The following MAX variants were observed in gnomAD, a reference collection of about 807,000 sequenced individuals.
MAX encodes the protein MYC associated transcriptional regulator X, also known as protein max.
Under a neutral mutation model 22.3 loss-of-function variants are expected in MAX, and 3 were observed. The observed-to-expected ratio is 0.13, with a 90% CI of 0.06 to 0.35. The LOEUF is 0.35. MAX is among the 10% of genes least tolerant of loss of function. The pLI is 1.00. For missense variants in MAX, 119 were observed against 209.4 expected, an observed-to-expected ratio of 0.57 and a Z score of 2.66; for synonymous variants, 72 against 77.7, an observed-to-expected ratio of 0.93 and a Z score of 0.39.
rs1024388620 is a variant in MAX at position 65,011,391 on chromosome 14, T to C, written c.172-5107A>G. Among the ~76,000 whole-genome samples, 3 of 139,100 alleles carry C rather than the reference T, an allele frequency of 2.2e-5. No individual in the cohort carries two copies. In the Admixed American group the frequency reaches 2.3e-4, roughly 11 times the overall value. 91.3% of individuals were successfully genotyped at this position (139,100 alleles called of 152,430 possible). A position where few individuals can be genotyped will look rare whatever the true frequency, so the allele number is the denominator to read the frequency against. On this transcript the variant is annotated intron_variant, in intron 3 of 3. Coordinates refer to the MAX transcript ENST00000341653. The surrounding 1 kb of genome is among the most constrained non-coding windows in gnomAD (Gnocchi z 4.0). ...TTGCAGTAAGCTGAAATCACACCAC[T>C]GCACTCCAGCCTGGGTGACAGAGCG... is the stretch of plus-strand genomic sequence containing the variant.
In MAX at chr14:65,065,433, G is replaced by A. The variant is rs558838403; in HGVS notation, c.171+28275C>T. ...CTGAGAAAAGCAGTCAGGTGATCTCGTCGTTGTGTGAACATCATGGAGTGC... is the reference window on the plus strand; with the variant it reads ...CTGAGAAAAGCAGTCAGGTGATCTCATCGTTGTGTGAACATCATGGAGTGC... On this transcript the variant is annotated intron_variant, in intron 3 of 3. Coordinates refer to the MAX transcript ENST00000341653. 3.3e-5 allele frequency among the ~76,000 whole-genome samples: 5 copies of A among 152,250 alleles called. No individual in the cohort carries two copies. In the South Asian group the frequency reaches 6.2e-4, roughly 19 times the overall value.
At chr14:65,039,853 G>C (rs2062305736) in intron 3 of MAX, among the ~76,000 whole-genome samples, 1 of 152,004 alleles carries the variant, frequency 6.6e-6, no homozygotes, top group African/African-American at 2.4e-5. Flanking sequence ...TGAACAAATA[G>C]AAAAACAAAA....
chr14:65,050,663 A>G (rs1468674904), intron 3 of MAX, among the ~76,000 whole-genome samples: 2 of 152,236 alleles, frequency 1.3e-5, no homozygotes, highest in African/African-American at 2.4e-5. Flanking sequence ...GTAGCTATAT[A>G]AAGTCTTTGT....
chr14:65,040,656 C>A, intron 3 of MAX: 1 of 725,346 alleles, frequency 1.4e-6, no homozygotes, highest in Non-Finnish European at 1.8e-6. Context: ...AATTAGTTGG[C>A]ATCTTTTCAT....
At chr14:65,021,831 AG>A (rs2061891800) in intron 3 of MAX, 2 of 422,836 alleles carry the variant, frequency 4.7e-6, no homozygotes, top group African/African-American at 4.1e-5. Flanking sequence ...TTTTTAGTAG[AG>A]ATGGGGTTTC....
At chr14:65,097,424 G>T (rs2063703396) in intron 2 of MAX, among the ~76,000 whole-genome samples, 1 of 152,150 alleles carries the variant, frequency 6.6e-6, no homozygotes, top group Non-Finnish European at 1.5e-5. Context: ...AAATAGCACG[G>T]GGAAATAAAT....
chr14:65,049,180 T>C (rs982238335), intron 3 of MAX, among the ~76,000 whole-genome samples: 5 of 151,730 alleles, frequency 3.3e-5, no homozygotes, highest in African/African-American at 1.2e-4. Context: ...ATCAGTGAGT[T>C]ACTTTGTTTT....
intron 3 of MAX, among the ~76,000 whole-genome samples, chr14:65,059,704 TAA>T (rs1210884169): frequency 6.6e-6 from 1 of 152,112 alleles, no homozygotes; most frequent in Non-Finnish European, 1.5e-5. Flanking sequence ...GTGTCAAATC[TAA>T]AGTTTCTTTT....
At chr14:65,056,954 A>AGG (rs1008778560) in intron 3 of MAX, among the ~76,000 whole-genome samples, 5 of 152,210 alleles carry the variant, frequency 3.3e-5, no homozygotes, top group African/African-American at 1.2e-4. Flanking sequence ...TGGAAATCAA[A>AGG]GGGGAAGCCA....
At position 65,012,402 on chromosome 14, in the gene MAX, C is replaced by T. The variant is rs1194230006; in HGVS notation, c.172-6118G>A. ...AGATGCCTATGAGGTAAACACATTA[C>T]CCAGGAACTCTTGCTGTCAAATTAT... is the stretch of plus-strand genomic sequence containing the variant. On this transcript the variant is annotated intron_variant, in intron 3 of 3. Transcript: ENST00000341653. This position sits in a 1 kb window ranked among gnomAD's most constrained non-coding sequence, Gnocchi z 5.0. The T allele has an allele frequency of 6.2e-7, 1 of 1,613,876 alleles. No individual in the cohort carries two copies. The highest frequency in any genetic ancestry group is 2.2e-5 in the East Asian group (1 of 44,890).
At chr14:65,056,755 T>C (rs538126512) in intron 3 of MAX, among the ~76,000 whole-genome samples, 1 of 152,356 alleles carries the variant, frequency 6.6e-6, no homozygotes, top group African/African-American at 2.4e-5. Context: ...TACATGTGTG[T>C]AGTGAATATC....
chr14:65,043,791 C>T (rs1290199817), intron 3 of MAX, among the ~76,000 whole-genome samples: 2 of 131,304 alleles, frequency 1.5e-5, no homozygotes, highest in African/African-American at 2.9e-5. Context: ...CACTGCAGTC[C>T]GCAGTCCGGC....
intron 3 of MAX, chr14:65,041,044 C>A: frequency 6.9e-7 from 1 of 1,443,370 alleles, no homozygotes; most frequent in East Asian, 2.4e-5. Context: ...TCTGTTCCAA[C>A]ACAGAGGAAG....
chr14:65,080,177 A>G (rs2063166838), intron 3 of MAX, among the ~76,000 whole-genome samples: 1 of 152,200 alleles, frequency 6.6e-6, no homozygotes, highest in Admixed American at 6.5e-5. Flanking sequence ...TGTGCATGCA[A>G]CACGCTCCTA....
In MAX at chr14:65,076,778, G is replaced by A. The variant is rs561646294; in HGVS notation, c.296-115C>T. The stretch of plus-strand genomic sequence containing the variant: ...AAGGGCTTGCTTGTTGGCCCCCGAG[G>A]CTCAAGATGCTCAGAAGTAGCTCCC... On this transcript the variant is annotated intron_variant, in intron 4 of 4. Coordinates refer to ENST00000358664, the MANE Select transcript of MAX (RefSeq NM_002382.5). The surrounding 1 kb of genome is among the most constrained non-coding windows in gnomAD (Gnocchi z 6.6). 1,921 of 1,175,742 alleles carry A rather than the reference G, an allele frequency of 1.6e-3. 31 individuals carry two copies. The highest frequency in any genetic ancestry group is 0.016 in the South Asian group (1,286 of 80,502). The allele number at this position is 1,175,742 out of a possible 1,614,324, so 72.8% of individuals were successfully genotyped here. A position where few individuals can be genotyped will look rare whatever the true frequency, so the allele number is the denominator to read the frequency against.
intron 2 of MAX, among the ~76,000 whole-genome samples, chr14:65,094,743 A>G (rs918654212): frequency 6.6e-6 from 1 of 152,246 alleles, no homozygotes; most frequent in Non-Finnish European, 1.5e-5. Context: ...GGAGAGCATG[A>G]TAAGAGCACT....
At chr14:65,042,935 T>G (rs1397974893) in intron 3 of MAX, among the ~76,000 whole-genome samples, 1 of 152,220 alleles carries the variant, frequency 6.6e-6, no homozygotes. Context: ...CAGTGTTTTC[T>G]GTCTCTTTTA....
chr14:65,043,823 C>T lies in MAX; in HGVS notation c.172-37539G>A, dbSNP rs868172560. On this transcript the variant is annotated intron_variant, in intron 3 of 3. Transcript: ENST00000341653. ...CGGCCTGGGCGACAGAGCGAGACTCCGTCTCAAAAAAAAAAAAAAAAAAAA... is the reference window on the plus strand; with the variant it reads ...CGGCCTGGGCGACAGAGCGAGACTCTGTCTCAAAAAAAAAAAAAAAAAAAA... Among the ~76,000 whole-genome samples, 28 of 91,866 alleles carry T rather than the reference C, an allele frequency of 3.0e-4. No homozygotes were observed. The South Asian group carries it at 5.9e-3, about 19-fold the overall frequency. The allele number at this position is 91,866 out of a possible 152,430, so 60.3% of individuals were successfully genotyped here.
Position 65,084,081 on chromosome 14 carries a change from T to C in MAX, c.172-6045A>G. The C allele has an allele frequency of 6.3e-7, 1 of 1,597,194 alleles. No individual in the cohort carries two copies. The highest frequency in any genetic ancestry group is 8.6e-7 in the Non-Finnish European group (1 of 1,169,092). On this transcript the variant is annotated intron_variant, in intron 3 of 4. Transcript: ENST00000358664. The surrounding 1 kb of genome is among the most constrained non-coding windows in gnomAD (Gnocchi z 4.3). ...AGGGCCTCCCCAGCCACAGGACCATTTTGCTGATTACCAGGGTAAGGCAGA... is the reference window on the plus strand; with the variant it reads ...AGGGCCTCCCCAGCCACAGGACCATCTTGCTGATTACCAGGGTAAGGCAGA...
Sources: gnomAD v4.1 joint callset for allele counts (sites outside exome capture counted in the v4.1 genomes callset) on GRCh38, gnomAD v4.1.1 for gene constraint, Gnocchi (gnomAD v3.1) non-coding constraint, MANE v1.5 for transcripts, NCBI Gene and HGNC (gene_info 2026-07-23, HGNC 2026-07-21) for gene names.